The following CBL variants were observed in gnomAD, a reference collection of about 807,000 sequenced individuals.
CBL encodes Cbl proto-oncogene.
Under a neutral mutation model 96.9 loss-of-function variants are expected in CBL, and 45 were observed. The observed-to-expected ratio is 0.46, with a 90% CI of 0.37 to 0.60. CBL has a LOEUF of 0.60. CBL is among the 20% of genes least tolerant of loss of function. The pLI is 0.00. For synonymous variants in CBL, 420 were observed against 426.8 expected, an observed-to-expected ratio of 0.98 and a Z score of 0.20; for missense variants, 1,024 against 1,143.5, an observed-to-expected ratio of 0.90 and a Z score of 1.51.
chr11:119,290,619 C>CAA (rs113629941), intron 12 of CBL, among the ~76,000 whole-genome samples: 1 of 134,090 alleles, frequency 7.5e-6, no homozygotes, highest in Admixed American at 7.4e-5. Flanking sequence ...GACTCTGTCT[C>CAA]AAAAAAAAAA....
intron 12 of CBL, among the ~76,000 whole-genome samples, chr11:119,295,412 G>A (rs986929938): frequency 9.9e-5 from 15 of 152,006 alleles, no homozygotes; most frequent in African/African-American, 3.1e-4. Context: ...ACACCGTGTG[G>A]CCAAATACCA....
intron 9 of CBL, 23 bp from the exon 10 acceptor site, chr11:119,284,946 G>C (rs923966222): frequency 6.2e-7 from 1 of 1,613,694 alleles, no homozygotes; most frequent in African/African-American, 1.3e-5. Flanking sequence ...AAAGTAATCT[G>C]TTAAATTTTT....
At chr11:119,297,162 T>C (rs1277630225) in intron 13 of CBL, 128 bp downstream of exon 13, 1 of 777,624 alleles carries the variant, frequency 1.3e-6, no homozygotes, top group Non-Finnish European at 2.3e-6. Context: ...TAAAGATAAA[T>C]CTAGCCCTTA....
chr11:119,273,763 G>T, intron 3 of CBL, 105 bp from the exon 4 acceptor site: 2 of 930,862 alleles, frequency 2.1e-6, no homozygotes, highest in African/African-American at 1.6e-5. Flanking sequence ...AATTGAAATT[G>T]GTATTGAGAG....
intron 1 of CBL, among the ~76,000 whole-genome samples, chr11:119,221,819 A>C (rs937661201): frequency 6.6e-6 from 1 of 152,072 alleles, no homozygotes; most frequent in African/African-American, 2.4e-5. Context: ...AACTTCTTCA[A>C]GTTTCTGAGA....
chr11:119,221,114 C>T (rs952296720), intron 1 of CBL, among the ~76,000 whole-genome samples: 7 of 151,772 alleles, frequency 4.6e-5, no homozygotes, highest in East Asian at 3.9e-4. Flanking sequence ...CGTGGTAGTG[C>T]GCGCCTGTAG....
chr11:119,206,624 G>A lies in CBL; in HGVS notation c.195+12G>A, dbSNP rs1040283004. The A allele has an allele frequency of 1.3e-6, 2 of 1,545,848 alleles. No homozygotes were observed. The highest frequency in any genetic ancestry group is 2.4e-5 in the South Asian group (2 of 83,576). ...AGCTCATGGACAAGGTGAAAGGCCG[G>A]CTGAGCGCCCGCTGTTGCAGGGTGG... On this transcript the variant is annotated intron_variant, in intron 1 of 15. Transcript: ENST00000264033.
Position 119,233,495 on chromosome 11 carries a change from A to G in CBL, c.443+800A>G, listed in dbSNP as rs976412838. Among the ~76,000 whole-genome samples the G allele has an allele frequency of 2.0e-5, 3 of 152,188 alleles. No individual in the cohort carries two copies. The East Asian group carries it at 5.8e-4, about 29-fold the overall frequency. On this transcript the variant is annotated intron_variant, in intron 2 of 15. Transcript: ENST00000264033. ...GTGATCTGCCCGCTTTGGCCTCACAAGGTGCTGGGATTACAGATGTGAGCC... is the reference window on the plus strand; with the variant it reads ...GTGATCTGCCCGCTTTGGCCTCACAGGGTGCTGGGATTACAGATGTGAGCC...
At chr11:119,290,456 C>G (rs2061786586) in intron 12 of CBL, among the ~76,000 whole-genome samples, 1 of 150,732 alleles carries the variant, frequency 6.6e-6, no homozygotes, top group African/African-American at 2.4e-5. Flanking sequence ...TTGAGACCAT[C>G]CTGGCTAATG....
chr11:119,274,112 G>A (rs555580928), intron 4 of CBL, 88 bp downstream of exon 4: 3 of 1,036,096 alleles, frequency 2.9e-6, no homozygotes, highest in East Asian at 2.4e-5. Context: ...TAACATTTGG[G>A]GTTTTTGTCT....
rs1402421612 is a variant in CBL, at chr11:119,300,588, A to G, written c.*807A>G. The G allele has an allele frequency of 5.0e-6, 2 of 399,134 alleles. No individual in the cohort carries two copies. Among genetic ancestry groups the G allele is most frequent in the East Asian group, 3.6e-5 (1 of 28,094 alleles). The allele number at this position is 399,134 out of a possible 1,614,324, so 24.7% of individuals were successfully genotyped here. On this transcript the variant is annotated 3_prime_UTR_variant, in exon 16 of 16. Coordinates refer to ENST00000264033, the MANE Select transcript of CBL (RefSeq NM_005188.4). ...ATAGGCATGTTTGATACTAGCAGCT[A>G]ACACTGGTCACTCCAAAGCACTGTT...
rs761328610 is a variant in CBL at position 119,274,968 on chromosome 11, G to A, written c.869+15G>A. The A allele has an allele frequency of 4.0e-5, 65 of 1,610,376 alleles. No homozygotes were observed. Among genetic ancestry groups the A allele is most frequent in the Middle Eastern group, 3.3e-4 (2 of 6,074 alleles). On this transcript the variant is annotated intron_variant, in intron 5 of 15. Transcript: ENST00000264033. ...AAACCTGGCAGGTCAGTTCAATGAC[G>A]CAAAGAGATTTATTCTTCTGAATTT...
Position 119,283,625 on chromosome 11 carries a change from CTTTTTTTTTTTT to C in CBL, c.1432-1325_1432-1314del, listed in dbSNP as rs398017760. 2.9e-3 allele frequency among the ~76,000 whole-genome samples: 130 copies of C among 45,536 alleles called. 7 individuals are homozygous for C. In the East Asian group the frequency reaches 0.072, roughly 25 times the overall value. 29.9% of individuals were successfully genotyped at this position (45,536 alleles called of 152,430 possible). A position where few individuals can be genotyped will look rare whatever the true frequency, so the allele number is the denominator to read the frequency against. Reference sequence around the variant, plus strand: ...AAATATTAATCCTTTTTAATTCTTTCTTTTTTTTTTTTTTTTTTTTTTTTTTTTTTGAGATGG... The same window carrying C: ...AAATATTAATCCTTTTTAATTCTTTCTTTTTTTTTTTTTTTTTTGAGATGG... On this transcript the variant is annotated intron_variant, in intron 9 of 15. Transcript: ENST00000264033.
At chr11:119,265,246 T>C (rs1949792931) in intron 2 of CBL, among the ~76,000 whole-genome samples, 1 of 152,224 alleles carries the variant, frequency 6.6e-6, no homozygotes, top group South Asian at 2.1e-4. Flanking sequence ...TAAACTTTTT[T>C]GAGTCTTTAA....
At chr11:119,244,887 C>T (rs893985520) in intron 2 of CBL, among the ~76,000 whole-genome samples, 2 of 151,722 alleles carry the variant, frequency 1.3e-5, no homozygotes, top group African/African-American at 4.8e-5. Context: ...TGCTTTGTCA[C>T]ACAAGACTGG....
Position 119,269,246 on chromosome 11 carries a change from C to CTT in CBL, c.444-2471_444-2470dup, listed in dbSNP as rs11317875. ...ATGGACTTTAAAGATTGGATAAGTG[C>CTT]TTTTTTTTTTTTTTTTTTTGGACCG... On this transcript the variant is annotated intron_variant, in intron 2 of 15. Transcript: ENST00000264033. Among the ~76,000 whole-genome samples the CTT allele has an allele frequency of 5.0e-3, 590 of 118,320 alleles. 9 individuals carry two copies. Among genetic ancestry groups the CTT allele is most frequent in the African/African-American group, 0.015 (451 of 29,372 alleles). The allele number at this position is 118,320 out of a possible 152,430, so 77.6% of individuals were successfully genotyped here.
intron 1 of CBL, among the ~76,000 whole-genome samples, chr11:119,231,000 G>C (rs1949497818): frequency 6.6e-6 from 1 of 152,148 alleles, no homozygotes; most frequent in Non-Finnish European, 1.5e-5. Context: ...GTGAAAGATG[G>C]TACAAAGAAT....
At chr11:119,217,128 T>C (rs1009800190) in intron 1 of CBL, among the ~76,000 whole-genome samples, 4 of 152,184 alleles carry the variant, frequency 2.6e-5, no homozygotes, top group African/African-American at 9.7e-5. Flanking sequence ...CTCGTATCTT[T>C]TTTTCTGAGA....
chr11:119,218,163 C>T (rs1565855459), intron 1 of CBL, among the ~76,000 whole-genome samples: 3 of 152,164 alleles, frequency 2.0e-5, no homozygotes, highest in Non-Finnish European at 4.4e-5. Context: ...TCCCACTTAA[C>T]ATAAATGTAG....
Sources: allele counts gnomAD v4.1 joint callset (sites outside exome capture counted in the v4.1 genomes callset), GRCh38; gene constraint gnomAD v4.1.1; transcripts MANE v1.5; gene names NCBI Gene and HGNC (gene_info 2026-07-23, HGNC 2026-07-21).